Variants in PARD3B observed in about 807,000 individuals in gnomAD.
PARD3B encodes par-3 family cell polarity regulator beta.
Under a neutral mutation model 130.2 loss-of-function variants are expected in PARD3B, and 103 were observed. The observed-to-expected ratio is 0.79, with a 90% confidence interval of 0.67 to 0.93. The LOEUF (loss-of-function observed/expected upper bound fraction) is 0.93. Among genes scored for constraint, PARD3B ranks in the 40% least tolerant of loss-of-function variants. PARD3B has a pLI of 0.00. For missense variants in PARD3B, 1,609 were observed against 1,499.2 expected (o/e 1.07, Z -1.21); for synonymous variants, 583 against 553.2 (o/e 1.05, Z -0.76).
rs1280186493 is a variant in PARD3B, at chr2:204,664,616, C to T, written c.121-21565C>T. 6.6e-6 allele frequency among the ~76,000 whole-genome samples: 1 copy of T among 152,026 alleles called. No homozygotes were observed. Among genetic ancestry groups the T allele is most frequent in the Non-Finnish European group, 1.5e-5 (1 of 68,010 alleles). ...GGATCCTGGGTTTTAAGGAAATTTC[C>T]TTTTAAGCACATTTTGGCTCTGGTA... On this transcript the variant is annotated intron_variant, in intron 1 of 22. Coordinates refer to ENST00000406610, the MANE Select transcript of PARD3B (RefSeq NM_001302769.2). This position sits in a 1 kb window ranked among gnomAD's most constrained non-coding sequence, Gnocchi z 5.2.
rs776763472 is a variant in PARD3B, at chr2:205,499,909, G to T, written c.3058G>T (p.Gly1020Cys). ...LVPADSGRPTGGSTDRIQKLR... is the reference protein window; with the variant it reads ...LVPADSGRPTCGSTDRIQKLR... Reference sequence around the variant, plus strand: ...TATATCCTGTAGTGGCCGTCCTACGGGTGGAAGCACTGACCGTATCCAGAA... The same window carrying T: ...TATATCCTGTAGTGGCCGTCCTACGTGTGGAAGCACTGACCGTATCCAGAA... The change falls in exon 21 of 23, where the codon GGT becomes TGT. Residue 1020 changes from glycine to cysteine, a missense_variant. Physicochemically the swap from Gly to Cys is radical, Grantham distance 159. Coordinates refer to ENST00000406610, the MANE Select transcript of PARD3B (RefSeq NM_001302769.2). 4 of 1,613,628 alleles carry T rather than the reference G, an allele frequency of 2.5e-6. No homozygotes were observed. Among genetic ancestry groups the T allele is most frequent in the Non-Finnish European group, 3.4e-6 (4 of 1,179,618 alleles).
intron 18 of PARD3B, among the ~76,000 whole-genome samples, chr2:205,326,050 T>C (rs1482362676): frequency 6.6e-6 from 1 of 152,154 alleles, no homozygotes; most frequent in Admixed American, 6.6e-5. Flanking sequence ...AGTATACTGT[T>C]ACCAGGGAAG....
chr2:205,090,035 T>C (rs16836915), intron 4 of PARD3B, among the ~76,000 whole-genome samples: 9,327 of 152,244 alleles, frequency 0.061, 607 homozygotes, highest in African/African-American at 0.16. Context: ...ATCAACGGAG[T>C]ACCCTCAGCT....
Position 205,121,620 on chromosome 2 carries a change from A to C in PARD3B, c.836A>C (p.Lys279Thr). Reference sequence around the variant, plus strand: ...CAAGATGTCTTCCGCCAGGCAATGAAATCTCCAAGTGTGCTCCTCCACGTG... The same window carrying C: ...CAAGATGTCTTCCGCCAGGCAATGACATCTCCAAGTGTGCTCCTCCACGTG... Reference protein sequence around the residue: ...QAQDVFRQAMKSPSVLLHVLP... With the variant: ...QAQDVFRQAMTSPSVLLHVLP... The change falls in exon 8 of 23, where the codon AAA becomes ACA. Residue 279 changes from lysine (K) to threonine (T), a missense_variant. By Grantham distance (78) the Lys-to-Thr change is moderately conservative. Coordinates refer to ENST00000406610, the MANE Select transcript of PARD3B (RefSeq NM_001302769.2). This position sits in a 1 kb window ranked among gnomAD's most constrained non-coding sequence, Gnocchi z 5.0. 1 of 1,613,250 alleles carries C rather than the reference A, an allele frequency of 6.2e-7. No individual in the cohort carries two copies. The highest frequency in any genetic ancestry group is 8.5e-7 in the Non-Finnish European group (1 of 1,179,260).
rs182735700 is a variant in PARD3B at position 205,495,574 on chromosome 2, G to C, written c.3045-4322G>C. 3.3e-5 allele frequency among the ~76,000 whole-genome samples: 5 copies of C among 152,260 alleles called. No homozygotes were observed. In the East Asian group the frequency reaches 9.6e-4, roughly 29 times the overall value. ...TTCTGAAGCTATTTCTAGAATCAGT[G>C]CTGCTAAATTCCATGAAGCAAGGAA... is the stretch of plus-strand genomic sequence containing the variant. On this transcript the variant is annotated intron_variant, in intron 20 of 22. Transcript: ENST00000406610.
In PARD3B at chr2:205,497,203, G is replaced by GA. The variant is rs35346665; in HGVS notation, c.3045-2677dup. Among the ~76,000 whole-genome samples, 498 of 129,074 alleles carry GA rather than the reference G, an allele frequency of 3.9e-3. 3 individuals carry two copies. The highest frequency in any genetic ancestry group is 0.017 in the Middle Eastern group (4 of 242). The allele number at this position is 129,074 out of a possible 152,430, so 84.7% of individuals were successfully genotyped here. A position where few individuals can be genotyped will look rare whatever the true frequency, so the allele number is the denominator to read the frequency against. On this transcript the variant is annotated intron_variant, in intron 20 of 22. Coordinates refer to ENST00000406610, the MANE Select transcript of PARD3B (RefSeq NM_001302769.2). ...TTATGAGAGTTTCAACATACATATT[G>GA]AAAAAAAAAAAAAAAAGAAAGAAAG...
intron 2 of PARD3B, among the ~76,000 whole-genome samples, chr2:204,774,134 A>G (rs1308031192): frequency 6.6e-6 from 1 of 151,654 alleles, no homozygotes; most frequent in Non-Finnish European, 1.5e-5. Flanking sequence ...CTTGGATGCC[A>G]TGTTGTCAGA....
At chr2:204,761,716 G>A (rs550267414) in intron 2 of PARD3B, among the ~76,000 whole-genome samples, 2 of 151,878 alleles carry the variant, frequency 1.3e-5, no homozygotes, top group Non-Finnish European at 2.9e-5. Context: ...GAAAGCTTAC[G>A]TCTTTGAATG....
At chr2:204,762,863 C>G (rs139427860) in intron 2 of PARD3B, among the ~76,000 whole-genome samples, 5,726 of 151,270 alleles carry the variant, frequency 0.038, 158 homozygotes, top group East Asian at 0.16. Context: ...CAGGTTCAAA[C>G]GATTCTCCTG....
intron 3 of PARD3B, among the ~76,000 whole-genome samples, chr2:204,968,777 A>T (rs1371986419): frequency 2.6e-5 from 4 of 152,240 alleles, no homozygotes; most frequent in African/African-American, 9.6e-5. Flanking sequence ...TCTTCATCTA[A>T]CAATCAAGGG....
chr2:205,461,205 C>G lies in PARD3B; in HGVS notation c.3044+20533C>G, dbSNP rs2048441562. On this transcript the variant is annotated intron_variant, in intron 20 of 22. Coordinates refer to ENST00000406610, the MANE Select transcript of PARD3B (RefSeq NM_001302769.2). This position sits in a 1 kb window ranked among gnomAD's most constrained non-coding sequence, Gnocchi z 4.3. The stretch of plus-strand genomic sequence containing the variant: ...TGAGAAAGCGACATTTAAGTCGAGA[C>G]TCAAAGAGTGAGTAGCCATGAGAAT... Among the ~76,000 whole-genome samples, 2 of 152,074 alleles carry G rather than the reference C, an allele frequency of 1.3e-5. No individual in the cohort carries two copies. Among genetic ancestry groups the G allele is most frequent in the Admixed American group, 1.3e-4 (2 of 15,274 alleles).
At chr2:205,601,306 T>A (rs756728385) in intron 22 of PARD3B, among the ~76,000 whole-genome samples, 2 of 152,246 alleles carry the variant, frequency 1.3e-5, no homozygotes, top group African/African-American at 2.4e-5. Context: ...TGTCTTGTTT[T>A]GAGAAGTGTC....
intron 2 of PARD3B, among the ~76,000 whole-genome samples, chr2:204,823,611 C>T (rs969695117): frequency 8.5e-5 from 13 of 152,116 alleles, no homozygotes; most frequent in African/African-American, 3.1e-4. Flanking sequence ...GGCACTGATA[C>T]TTATTTCCTT....
intron 16 of PARD3B, among the ~76,000 whole-genome samples, chr2:205,298,734 A>G (rs539760090): frequency 1.3e-5 from 2 of 152,200 alleles, no homozygotes; most frequent in Non-Finnish European, 2.9e-5. Context: ...CTCCAGGGTT[A>G]ATCTAGCCTA....
chr2:205,210,508 T>C (rs1392995940), intron 15 of PARD3B, among the ~76,000 whole-genome samples: 1 of 152,154 alleles, frequency 6.6e-6, no homozygotes, highest in Admixed American at 6.6e-5. Flanking sequence ...TTTCCAATTC[T>C]TCACTTCTAG....
At position 204,595,532 on chromosome 2, in the gene PARD3B, A is replaced by T. The variant is rs137897948; in HGVS notation, c.120+49413A>T. Among the ~76,000 whole-genome samples, 70 of 152,332 alleles carry T rather than the reference A, an allele frequency of 4.6e-4. No individual in the cohort carries two copies. The East Asian group carries it at 0.013, about 28-fold the overall frequency. ...GCTGGTGATGAGGAATGAGGACAGC[A>T]TTGAAAGACGAAGTTGAGTGGGGAA... On this transcript the variant is annotated intron_variant, in intron 1 of 22. Coordinates refer to ENST00000406610, the MANE Select transcript of PARD3B (RefSeq NM_001302769.2).
intron 2 of PARD3B, among the ~76,000 whole-genome samples, chr2:204,954,600 C>T (rs1010326763): frequency 6.6e-6 from 1 of 152,156 alleles, no homozygotes; most frequent in Admixed American, 6.5e-5. Flanking sequence ...GCTACCTTAC[C>T]TGGCCTTGGG....
chr2:205,050,114 C>T (rs1005698596), intron 4 of PARD3B, among the ~76,000 whole-genome samples: 12 of 151,364 alleles, frequency 7.9e-5, no homozygotes, highest in Admixed American at 2.0e-4. Context: ...ATGCAAGACA[C>T]GTGTAAGTCT....
At chr2:204,582,509 C>CG (rs951840443) in intron 1 of PARD3B, among the ~76,000 whole-genome samples, 2 of 151,870 alleles carry the variant, frequency 1.3e-5, no homozygotes, top group South Asian at 2.1e-4. Flanking sequence ...AGGTTCCCCC[C>CG]CCTCATTTCA....
Sources: gnomAD v4.1 joint callset for allele counts (sites outside exome capture counted in the v4.1 genomes callset) on GRCh38, gnomAD v4.1.1 for gene constraint, Gnocchi (gnomAD v3.1) non-coding constraint, MANE v1.5 for transcripts, NCBI Gene and HGNC (gene_info 2026-07-23, HGNC 2026-07-21) for gene names.